The following NTM variants were observed in gnomAD, a reference collection of about 807,000 sequenced individuals.
NTM encodes the protein neurotrimin.
A neutral mutation model predicts 42.1 loss-of-function variants in NTM; 13 were observed. The ratio of observed to expected loss-of-function variants is 0.31; its 90% CI spans 0.20 to 0.49. The LOEUF (loss-of-function observed/expected upper bound fraction) is 0.49, where lower values mean the gene tolerates loss of function less well. Among genes scored for constraint, NTM ranks in the 20% least tolerant of loss-of-function variants. The pLI is 0.99. For missense variants in NTM, 373 were observed against 452.8 expected, an observed-to-expected ratio of 0.82 and a Z score of 1.60; for synonymous variants, 187 against 179.2, an observed-to-expected ratio of 1.04 and a Z score of -0.35.
At chr11:131,976,366 A>G (rs903790993) in intron 2 of NTM, among the ~76,000 whole-genome samples, 4 of 152,144 alleles carry the variant, frequency 2.6e-5, no homozygotes, top group African/African-American at 9.7e-5. Context: ...GGTCGGGGAC[A>G]GTATGGTTTA....
intron 4 of NTM, among the ~76,000 whole-genome samples, chr11:132,240,780 C>T (rs536950896): frequency 4.6e-5 from 7 of 152,292 alleles, no homozygotes; most frequent in Non-Finnish European, 8.8e-5. Flanking sequence ...TGAGATATGT[C>T]GTCAGTAAAA....
intron 1 of NTM, among the ~76,000 whole-genome samples, chr11:131,589,919 C>A (rs2059219246): frequency 6.6e-6 from 1 of 152,200 alleles, no homozygotes; most frequent in African/African-American, 2.4e-5. Context: ...AAGAATATTT[C>A]TTCTGCGCTA....
chr11:131,396,998 T>C (rs761188948), intron 1 of NTM, among the ~76,000 whole-genome samples: 1 of 152,156 alleles, frequency 6.6e-6, no homozygotes, highest in Admixed American at 6.5e-5. Context: ...TTTATTGCTT[T>C]CCTGTGAGTC....
intron 1 of NTM, among the ~76,000 whole-genome samples, chr11:131,789,469 GAA>G (rs1491507335): frequency 1.6e-3 from 21 of 13,066 alleles, no homozygotes; most frequent in East Asian, 5.1e-3. Context: ...AGAAGAAGAA[GAA>G]GAAGAAGAAG....
chr11:131,475,039 G>A (rs1373094783), intron 1 of NTM, among the ~76,000 whole-genome samples: 1 of 152,174 alleles, frequency 6.6e-6, no homozygotes, highest in Non-Finnish European at 1.5e-5. Context: ...AAGGCCAAAT[G>A]TTTTCTAGCT....
intron 1 of NTM, among the ~76,000 whole-genome samples, chr11:131,480,099 A>T (rs1174041115): frequency 1.3e-5 from 2 of 151,148 alleles, no homozygotes; most frequent in Non-Finnish European, 2.9e-5. Context: ...TTTGAAAAAA[A>T]TACTGCATTC....
intron 1 of NTM, among the ~76,000 whole-genome samples, chr11:131,389,374 G>A (rs991073107): frequency 1.3e-5 from 2 of 152,194 alleles, no homozygotes; most frequent in Non-Finnish European, 2.9e-5. Flanking sequence ...CCGGTGCCCA[G>A]AATATCTGCC....
intron 3 of NTM, among the ~76,000 whole-genome samples, chr11:132,195,525 C>T (rs1038780767): frequency 2.0e-5 from 3 of 149,980 alleles, no homozygotes; most frequent in Non-Finnish European, 4.4e-5. Context: ...AAGAACAAAG[C>T]CAGAGGCATT....
At chr11:131,482,353 T>G (rs1953696173) in intron 1 of NTM, among the ~76,000 whole-genome samples, 1 of 152,228 alleles carries the variant, frequency 6.6e-6, no homozygotes, top group South Asian at 2.1e-4. Flanking sequence ...AGCCATCTGC[T>G]GAGCCCTGCT....
At chr11:131,660,621 T>C (rs370519941) in intron 1 of NTM, 33 of 457,256 alleles carry the variant, frequency 7.2e-5, no homozygotes, top group Non-Finnish European at 1.2e-4. Context: ...CCTTGATCTC[T>C]GGGTCTGTGC....
chr11:132,060,984 G>C (rs1018564930), intron 2 of NTM, among the ~76,000 whole-genome samples: 1 of 152,174 alleles, frequency 6.6e-6, no homozygotes, highest in Non-Finnish European at 1.5e-5. Flanking sequence ...ATGGCATTTT[G>C]TGAATGCATG....
At chr11:132,102,840 G>A (rs2136586472) in intron 2 of NTM, among the ~76,000 whole-genome samples, 1 of 152,322 alleles carries the variant, frequency 6.6e-6, no homozygotes, top group East Asian at 1.9e-4. Flanking sequence ...TCTGCAAGCT[G>A]TGTGGAGCCT....
At chr11:131,468,004 T>G (rs533510033) in intron 1 of NTM, among the ~76,000 whole-genome samples, 1 of 152,358 alleles carries the variant, frequency 6.6e-6, no homozygotes, top group East Asian at 1.9e-4. Flanking sequence ...CCAAAACTTC[T>G]TGAGTCACCT....
chr11:131,420,974 T>C (rs1187675875), intron 1 of NTM, among the ~76,000 whole-genome samples: 1 of 152,012 alleles, frequency 6.6e-6, no homozygotes, highest in Non-Finnish European at 1.5e-5. Flanking sequence ...CCTTTCTCCC[T>C]TGCCCTCTCA....
At chr11:131,509,235 G>C (rs2047925791) in intron 1 of NTM, among the ~76,000 whole-genome samples, 1 of 152,060 alleles carries the variant, frequency 6.6e-6, no homozygotes, top group South Asian at 2.1e-4. Flanking sequence ...TCTGAAGTTG[G>C]GGCTTTGGGG....
Position 132,070,271 on chromosome 11 carries a change from G to T in NTM, c.168-76011G>T, listed in dbSNP as rs1373711502. On this transcript the variant is annotated intron_variant, in intron 2 of 8. Coordinates refer to ENST00000683400, the MANE Select transcript of NTM (RefSeq NM_001352005.2). ...AAACACGTCAAACTGACCATCACAG[G>T]TTAGTTAACGTGTCACACAGCCAAG... Among the ~76,000 whole-genome samples the T allele has an allele frequency of 2.2e-5, 3 of 139,206 alleles. No homozygotes were observed. The Admixed American group carries it at 2.2e-4, about 10-fold the overall frequency. 91.3% of individuals were successfully genotyped at this position (139,206 alleles called of 152,430 possible).
At chr11:131,993,389 T>G (rs2135147222) in intron 2 of NTM, among the ~76,000 whole-genome samples, 1 of 152,254 alleles carries the variant, frequency 6.6e-6, no homozygotes, top group East Asian at 1.9e-4. Context: ...CCCATGTTTT[T>G]GGCTTGGGTA....
At chr11:131,672,853 TG>T (rs2070603524) in intron 1 of NTM, among the ~76,000 whole-genome samples, 2 of 98,074 alleles carry the variant, frequency 2.0e-5, no homozygotes, top group Admixed American at 2.2e-4. Flanking sequence ...GGGGTGGGGG[TG>T]GGGTGTGACC....
chr11:131,586,324 T>A (rs1160773134), intron 1 of NTM, among the ~76,000 whole-genome samples: 1 of 152,186 alleles, frequency 6.6e-6, no homozygotes, highest in Non-Finnish European at 1.5e-5. Flanking sequence ...GCTTATTCTA[T>A]TATTCTTACA....
Sources: gnomAD v4.1 joint callset for allele counts (sites outside exome capture counted in the v4.1 genomes callset) on GRCh38, gnomAD v4.1.1 for gene constraint, MANE v1.5 for transcripts, NCBI Gene and HGNC (gene_info 2026-07-23, HGNC 2026-07-21) for gene names.